Variants in EXD3 observed in about 807,000 individuals in gnomAD.
EXD3 encodes exonuclease mut-7 homolog.
In EXD3, 92 loss-of-function variants were observed where a neutral mutation model predicts 98.0. That is an observed-to-expected ratio of 0.94 (90% CI 0.79 to 1.12). The LOEUF (loss-of-function observed/expected upper bound fraction) is 1.12, where lower values mean the gene tolerates loss of function less well. EXD3 is among the 50% of genes most tolerant of loss of function. The pLI, the probability that EXD3 is intolerant of heterozygous loss-of-function variation, is 0.00. For missense variants in EXD3, 1,222 were observed against 1,191.6 expected, an observed-to-expected ratio of 1.03 and a Z score of -0.38; for synonymous variants, 569 against 526.0, an observed-to-expected ratio of 1.08 and a Z score of -1.12.
chr9:137,325,267 A>C (rs1195331591), intron 17 of EXD3, among the ~76,000 whole-genome samples: 1 of 152,178 alleles, frequency 6.6e-6, no homozygotes, highest in Non-Finnish European at 1.5e-5. Flanking sequence ...CGGAGCGTCT[A>C]GATGCTGCAG....
Position 137,385,087 on chromosome 9 carries a change from G to A in EXD3, c.56-1710C>T, listed in dbSNP as rs182091359. 1.4e-3 allele frequency among the ~76,000 whole-genome samples: 218 copies of A among 152,262 alleles called. No individual in the cohort carries two copies. The highest frequency in any genetic ancestry group is 2.6e-3 in the Non-Finnish European group (180 of 68,012). ...AGCCTGGGCAACAGAGCGAGACTCC[G>A]TCTCAGACAAAAACCAAAAAACCAT... On this transcript the variant is annotated intron_variant, in intron 2 of 21. Coordinates refer to ENST00000340951, the MANE Select transcript of EXD3 (RefSeq NM_017820.5). The surrounding 1 kb of genome is among the most constrained non-coding windows in gnomAD (Gnocchi z 4.4).
At chr9:137,398,072 C>G (rs1336157068) in intron 1 of EXD3, among the ~76,000 whole-genome samples, 1 of 152,220 alleles carries the variant, frequency 6.6e-6, no homozygotes, top group Non-Finnish European at 1.5e-5. Flanking sequence ...AGTGTCATCA[C>G]TGAAATGTGT....
At position 137,370,118 on chromosome 9, in the gene EXD3, G is replaced by T. The variant is rs566954147; in HGVS notation, c.463-2129C>A. Among the ~76,000 whole-genome samples the T allele has an allele frequency of 2.0e-4, 30 of 152,312 alleles. No individual in the cohort carries two copies. In the South Asian group the frequency reaches 5.4e-3, roughly 27 times the overall value. On this transcript the variant is annotated intron_variant, in intron 5 of 21. Coordinates refer to ENST00000340951, the MANE Select transcript of EXD3 (RefSeq NM_017820.5). ...CATGGGCAGCCCTGGTGACAGGGGTGGGGGGCTGGGGGGTGGCTAGTAGCA... is the reference window on the plus strand; with the variant it reads ...CATGGGCAGCCCTGGTGACAGGGGTTGGGGGCTGGGGGGTGGCTAGTAGCA...
chr9:137,392,915 C>T lies in EXD3; in HGVS notation c.55+2388G>A, dbSNP rs73583569. 580 of 488,468 alleles carry T rather than the reference C, an allele frequency of 1.2e-3. 2 individuals are homozygous for T. The highest frequency in any genetic ancestry group is 0.011 in the African/African-American group (500 of 46,614). The allele number at this position is 488,468 out of a possible 1,614,324, so 30.3% of individuals were successfully genotyped here. On this transcript the variant is annotated intron_variant, in intron 2 of 21. Transcript: ENST00000340951. ...CCAGCGGGCACCATGTCTGTTCTGG[C>T]GGGGGGCCGTATCTGTTCCAGGGAG...
At chr9:137,329,588 T>C (rs1376968841) in intron 17 of EXD3, among the ~76,000 whole-genome samples, 5 of 17,682 alleles carry the variant, frequency 2.8e-4, no homozygotes, top group Non-Finnish European at 3.9e-4. Context: ...TACACGGGAC[T>C]ACACGGGACT....
rs1837584370 is a variant in EXD3, at chr9:137,403,735, A to ACC, written c.-47-8333_-47-8332dup. Among the ~76,000 whole-genome samples, 1 of 152,156 alleles carries ACC rather than the reference A, an allele frequency of 6.6e-6. No individual in the cohort carries two copies. The highest frequency in any genetic ancestry group is 2.4e-5 in the African/African-American group (1 of 41,434). ...GGGCAGACCCAGCCACGCAGAGCCC[A>ACC]CCGCCAGCTTCCAAGGGCTCCAGAA... is the stretch of plus-strand genomic sequence containing the variant. On this transcript the variant is annotated intron_variant, in intron 1 of 21. Transcript: ENST00000340951. The surrounding 1 kb of genome is among the most constrained non-coding windows in gnomAD (Gnocchi z 6.1).
At chr9:137,354,207 A>T in intron 10 of EXD3, 132 bp downstream of exon 10, 1 of 1,467,502 alleles carries the variant, frequency 6.8e-7, no homozygotes, top group East Asian at 2.5e-5. Context: ...ACGCCCCAAC[A>T]TGGGGTCTGG....
chr9:137,393,879 G>C lies in EXD3; in HGVS notation c.55+1424C>G, dbSNP rs1277223116. 2.0e-5 allele frequency among the ~76,000 whole-genome samples: 3 copies of C among 152,170 alleles called. No individual in the cohort carries two copies. Among genetic ancestry groups the C allele is most frequent in the Non-Finnish European group, 4.4e-5 (3 of 68,006 alleles). On this transcript the variant is annotated intron_variant, in intron 2 of 21. Transcript: ENST00000340951. This position sits in a 1 kb window ranked among gnomAD's most constrained non-coding sequence, Gnocchi z 4.6. Reference sequence around the variant, plus strand: ...CCTGCAGCCCAGGGCGAGGCGGCTGGGCCAGGGCCTTACAGCTCTCACTGC... The same window carrying C: ...CCTGCAGCCCAGGGCGAGGCGGCTGCGCCAGGGCCTTACAGCTCTCACTGC...
At chr9:137,364,770 G>GGT (rs530653079) in intron 7 of EXD3, among the ~76,000 whole-genome samples, 24 of 132,124 alleles carry the variant, frequency 1.8e-4, no homozygotes, top group Non-Finnish European at 3.5e-4. Flanking sequence ...TTTGTTCTAT[G>GGT]TTTTTTTTTT....
At chr9:137,332,000 AC>A (rs1833089167) in intron 17 of EXD3, among the ~76,000 whole-genome samples, 1 of 152,206 alleles carries the variant, frequency 6.6e-6, no homozygotes, top group Non-Finnish European at 1.5e-5. Flanking sequence ...ACACACACAC[AC>A]ACAGAACAAA....
intron 1 of EXD3, among the ~76,000 whole-genome samples, chr9:137,422,523 G>A (rs1426895670): frequency 6.6e-6 from 1 of 152,168 alleles, no homozygotes; most frequent in East Asian, 1.9e-4. Flanking sequence ...GATGGGCTCT[G>A]TTTTCTTTAA....
chr9:137,396,318 C>T (rs1837215317), intron 1 of EXD3, among the ~76,000 whole-genome samples: 1 of 152,186 alleles, frequency 6.6e-6, no homozygotes, highest in Non-Finnish European at 1.5e-5. Context: ...CGAGGGTCAC[C>T]CTTCTCCTTC....
At chr9:137,337,471 T>C (rs985928152) in intron 17 of EXD3, among the ~76,000 whole-genome samples, 1 of 151,890 alleles carries the variant, frequency 6.6e-6, no homozygotes, top group Non-Finnish European at 1.5e-5. Context: ...GCCAATATGG[T>C]GAAACCCTAT....
intron 1 of EXD3, among the ~76,000 whole-genome samples, chr9:137,410,895 C>G (rs1837966353): frequency 2.0e-5 from 3 of 151,942 alleles, no homozygotes; most frequent in Middle Eastern, 3.4e-3. Flanking sequence ...GGAGCCCCAG[C>G]CCCCGGCCTC....
chr9:137,404,921 C>T (rs1187777134), intron 1 of EXD3, among the ~76,000 whole-genome samples: 1 of 152,040 alleles, frequency 6.6e-6, no homozygotes, highest in Non-Finnish European at 1.5e-5. Flanking sequence ...CTCCTCCTTG[C>T]TCCCAGTGCC....
intron 3 of EXD3, among the ~76,000 whole-genome samples, chr9:137,380,032 C>T (rs907762252): frequency 6.6e-6 from 1 of 151,930 alleles, no homozygotes; most frequent in Admixed American, 6.6e-5. Flanking sequence ...CTGGCCCAGG[C>T]ATCTCCTTCC....
At chr9:137,391,468 C>T (rs895040594) in intron 2 of EXD3, among the ~76,000 whole-genome samples, 10 of 152,224 alleles carry the variant, frequency 6.6e-5, no homozygotes, top group African/African-American at 2.4e-4. Context: ...TGTCCGGAGC[C>T]CAGCAAGATG....
intron 1 of EXD3, among the ~76,000 whole-genome samples, chr9:137,412,847 G>A (rs996990823): frequency 6.6e-5 from 10 of 151,980 alleles, no homozygotes; most frequent in Admixed American, 2.0e-4. Flanking sequence ...GGGCGATCAC[G>A]GCTCACGGCA....
At chr9:137,308,116 A>G (rs1192058802) in intron 20 of EXD3, among the ~76,000 whole-genome samples, 2 of 151,922 alleles carry the variant, frequency 1.3e-5, no homozygotes, top group African/African-American at 4.8e-5. Context: ...TGGCCCTGTG[A>G]GGCCCCGAGC....
Sources: gnomAD v4.1 joint callset for allele counts (sites outside exome capture counted in the v4.1 genomes callset) on GRCh38, gnomAD v4.1.1 for gene constraint, Gnocchi (gnomAD v3.1) non-coding constraint, MANE v1.5 for transcripts, NCBI Gene and HGNC (gene_info 2026-07-23, HGNC 2026-07-21) for gene names.